The following COL4A4 variants were observed in gnomAD, a reference collection of about 807,000 sequenced individuals.
COL4A4 encodes the protein collagen alpha-4(IV) chain.
Under a neutral mutation model 192.9 loss-of-function variants are expected in COL4A4, and 105 were observed. That is an observed-to-expected ratio of 0.54 (90% CI 0.46 to 0.64). The LOEUF (loss-of-function observed/expected upper bound fraction) is 0.64, where lower values mean the gene tolerates loss of function less well. COL4A4 is among the 30% of genes least tolerant of loss of function. The probability of loss-of-function intolerance (pLI) is 0.00; values close to 1 mark genes in which losing one functional copy is unlikely to be tolerated. For missense variants in COL4A4, 1,967 were observed against 2,169.3 expected, an observed-to-expected ratio of 0.91 and a Z score of 1.85; for synonymous variants, 762 against 769.9, an observed-to-expected ratio of 0.99 and a Z score of 0.17.
chr2:226,971,140 A>G, the COL4A4 span, among the ~76,000 whole-genome samples: 3 of 152,144 alleles, frequency 2.0e-5, no homozygotes, highest in African/African-American at 7.2e-5. Flanking sequence ...ATGGGCCTTT[A>G]AAAAACTCAC....
chr2:227,134,057 G>A (rs1302969092), intron 4 of COL4A4, among the ~76,000 whole-genome samples: 13 of 152,120 alleles, frequency 8.5e-5, no homozygotes. Context: ...AACAAGCTAA[G>A]CCCACATTAT....
chr2:227,141,053 C>T (rs2063174842), intron 3 of COL4A4, among the ~76,000 whole-genome samples: 2 of 152,210 alleles, frequency 1.3e-5, no homozygotes, highest in Non-Finnish European at 2.9e-5. Context: ...CAGCAATCAC[C>T]ATGATGCACC....
At chr2:227,126,719 T>A (rs2062111727) in intron 4 of COL4A4, among the ~76,000 whole-genome samples, 1 of 152,214 alleles carries the variant, frequency 6.6e-6, no homozygotes, top group Admixed American at 6.5e-5. Context: ...AGAAAGCTGC[T>A]CACCAAAATT....
rs2150805314 is a variant in COL4A4 at position 227,103,965 on chromosome 2, G to A, written c.816+7C>T. 6.2e-7 allele frequency: 1 copy of A among 1,608,856 alleles called. No individual in the cohort carries two copies. The highest frequency in any genetic ancestry group is 8.5e-7 in the Non-Finnish European group (1 of 1,175,926). ...TTTCCAAGGTGACATATGGATTTGG[G>A]AATTACCTTTTCTCCTTTATAGAGA... On this transcript the variant is annotated splice_region_variant and intron_variant, in intron 13 of 47. Transcript: ENST00000396625.
intron 24 of COL4A4, 120 bp downstream of exon 24, chr2:227,080,323 A>T (rs1224336359): frequency 7.4e-6 from 7 of 942,310 alleles, no homozygotes; most frequent in Non-Finnish European, 1.2e-5. Context: ...AGTGACTCTG[A>T]TTTATAGTAT....
intron 4 of COL4A4, among the ~76,000 whole-genome samples, chr2:227,128,336 CAAT>C (rs1454923040): frequency 2.0e-5 from 3 of 152,204 alleles, no homozygotes; most frequent in South Asian, 4.1e-4. Flanking sequence ...CAGATACACT[CAAT>C]GTTCTTTTAT....
chr2:227,116,934 C>T (rs1216171967), intron 7 of COL4A4, among the ~76,000 whole-genome samples: 1 of 152,198 alleles, frequency 6.6e-6, no homozygotes, highest in African/African-American at 2.4e-5. Flanking sequence ...GTTGAAACTA[C>T]TCTTGATAAG....
intron 28 of COL4A4, 115 bp from the exon 29 acceptor site, chr2:227,057,715 G>T (rs1286750918): frequency 1.9e-6 from 2 of 1,066,966 alleles, no homozygotes; most frequent in Non-Finnish European, 2.8e-6. Context: ...CTGAATCAGT[G>T]TTCAAATGGG....
At chr2:226,969,998 C>A in the COL4A4 span, among the ~76,000 whole-genome samples, 2 of 123,020 alleles carry the variant, frequency 1.6e-5, no homozygotes, top group Admixed American at 9.4e-5. Context: ...GTCCCCCCCC[C>A]CTTAATTTTT....
At chr2:227,105,691 G>C (rs988344091) in intron 12 of COL4A4, among the ~76,000 whole-genome samples, 4 of 151,920 alleles carry the variant, frequency 2.6e-5, no homozygotes, top group Admixed American at 6.6e-5. Context: ...GCTTTTCTGG[G>C]TATTACTATT....
intron 46 of COL4A4, among the ~76,000 whole-genome samples, chr2:227,009,866 T>C (rs1318400971): frequency 1.3e-5 from 2 of 151,292 alleles, no homozygotes; most frequent in Non-Finnish European, 2.9e-5. Context: ...TAAATTGGAG[T>C]AGGGTAGGGA....
intron 2 of COL4A4, 78 bp from the exon 3 acceptor site, chr2:227,144,636 T>C (rs2125349714): frequency 1.7e-6 from 2 of 1,209,486 alleles, no homozygotes; most frequent in East Asian, 2.3e-5. Context: ...GTAAAGGAAT[T>C]AATTCCAGAA....
intron 35 of COL4A4, 81 bp downstream of exon 35, chr2:227,047,394 C>A: frequency 2.0e-6 from 2 of 993,632 alleles, no homozygotes; most frequent in South Asian, 2.7e-5. Context: ...TTGATACGAT[C>A]ATTGCCAGCT....
At chr2:227,035,799 T>C (rs1426709895) in intron 37 of COL4A4, among the ~76,000 whole-genome samples, 1 of 152,202 alleles carries the variant, frequency 6.6e-6, no homozygotes, top group Non-Finnish European at 1.5e-5. Flanking sequence ...CCAAGATTGA[T>C]GGCTTGGGGA....
Position 227,008,161 on chromosome 2 carries a change from C to G in COL4A4, c.4666G>C (p.Glu1556Gln). The G allele has an allele frequency of 6.2e-7, 1 of 1,614,104 alleles. No individual in the cohort carries two copies. The highest frequency in any genetic ancestry group is 8.5e-7 in the Non-Finnish European group (1 of 1,179,936). ...AAPLPMMPLS[E>Q]EAIRPYVSRC... is the part of the protein sequence containing the mutation. ...CTGACATAGGGGCGGATCGCCTCTT[C>G]AGAGAGTGGCATCATGGGGAGGGGC... is the stretch of plus-strand genomic sequence containing the variant. The change falls in exon 47 of 48, where the codon GAA (glutamate) becomes CAA (glutamine). Residue 1556 changes from glutamate to glutamine, a missense_variant. By Grantham distance (29) the Glu-to-Gln change is conservative. Coordinates refer to ENST00000396625, the MANE Select transcript of COL4A4 (RefSeq NM_000092.5).
Position 227,145,234 on chromosome 2 carries a change from A to G in COL4A4, c.72-676T>C, listed in dbSNP as rs374796925. Among the ~76,000 whole-genome samples the G allele has an allele frequency of 2.6e-4, 39 of 152,180 alleles. 1 individual carries two copies. The highest frequency in any genetic ancestry group is 9.4e-4 in the African/African-American group (39 of 41,540). On this transcript the variant is annotated intron_variant, in intron 2 of 47. Transcript: ENST00000396625. ...AGGCCGAGGTGGGCGGATCACCTGA[A>G]GTCAGGAGTTTAAGACCAGCCTGGC...
chr2:227,077,859 A>T (rs965816365), intron 25 of COL4A4, 35 bp downstream of exon 25: 5 of 1,563,540 alleles, frequency 3.2e-6, no homozygotes, highest in Admixed American at 3.5e-5. Context: ...TGTACCCCAA[A>T]GCTATTGAAA....
intron 4 of COL4A4, 62 bp from the exon 5 acceptor site, chr2:227,121,210 A>G (rs2061766021): frequency 1.9e-6 from 3 of 1,553,900 alleles, no homozygotes; most frequent in Non-Finnish European, 2.6e-6. Context: ...TCTAACACAA[A>G]CATATACTCA....
chr2:227,073,647 A>C (rs923732451), intron 25 of COL4A4, among the ~76,000 whole-genome samples: 1 of 152,188 alleles, frequency 6.6e-6, no homozygotes, highest in Non-Finnish European at 1.5e-5. Context: ...TTCAAATTAT[A>C]CTACAAGGCT....
Sources: gnomAD v4.1 joint callset for allele counts (sites outside exome capture counted in the v4.1 genomes callset) on GRCh38, gnomAD v4.1.1 for gene constraint, MANE v1.5 for transcripts, NCBI Gene and HGNC (gene_info 2026-07-23, HGNC 2026-07-21) for gene names.